Variants in PCDHA9 observed in about 807,000 individuals in gnomAD.
PCDHA9 encodes the protein protocadherin alpha 9, also known as protocadherin alpha-9.
A neutral mutation model predicts 62.0 loss-of-function variants in PCDHA9; 62 were observed. That is an observed-to-expected ratio of 1.00 (90% CI 0.81 to 1.23). The LOEUF is 1.23. Among genes scored for constraint, PCDHA9 ranks in the 50% most tolerant of loss-of-function variants. PCDHA9 has a pLI of 0.00. For missense variants in PCDHA9, 1,205 were observed against 1,249.8 expected (o/e 0.96, Z 0.54); for synonymous variants, 557 against 567.6 (o/e 0.98, Z 0.27).
intron 2 of PCDHA9, 157 bp from the exon 3 acceptor site, chr5:140,982,318 G>C (rs2096977750): frequency 6.6e-6 from 9 of 1,356,910 alleles, no homozygotes; most frequent in Non-Finnish European, 8.8e-6. Flanking sequence ...AGTTTATGCA[G>C]GGTGACTGCT....
intron 1 of PCDHA9, chr5:140,870,788 C>A (rs782319322): frequency 3.7e-6 from 6 of 1,613,636 alleles, no homozygotes; most frequent in Non-Finnish European, 5.1e-6. Context: ...GACAACGCGC[C>A]GGCACTGCTG....
intron 1 of PCDHA9, chr5:140,875,832 C>A: frequency 1.2e-6 from 2 of 1,614,086 alleles, no homozygotes; most frequent in South Asian, 1.1e-5. Flanking sequence ...TCCATGTGGA[C>A]GTGGAGGTGA....
chr5:140,855,926 G>A lies in PCDHA9; in HGVS notation c.2394+5037G>A, dbSNP rs1420815177. On this transcript the variant is annotated intron_variant, in intron 1 of 3. Transcript: ENST00000532602. ...AGTTTCTCAAGGACTAGGAAGTAGC[G>A]TCATTCTGAGATCTCAGCCATTTCG... is the stretch of plus-strand genomic sequence containing the variant. 2.4e-6 allele frequency: 3 copies of A among 1,256,218 alleles called. 1 individual carries two copies. The highest frequency in any genetic ancestry group is 3.3e-6 in the Non-Finnish European group (3 of 905,286). 77.8% of individuals were successfully genotyped at this position (1,256,218 alleles called of 1,614,324 possible). A position where few individuals can be genotyped will look rare whatever the true frequency, so the allele number is the denominator to read the frequency against.
intron 1 of PCDHA9, among the ~76,000 whole-genome samples, chr5:140,945,113 T>C (rs1359604882): frequency 2.6e-5 from 4 of 152,084 alleles, no homozygotes; most frequent in African/African-American, 4.8e-5. Flanking sequence ...AGTTGAAAGA[T>C]AAAAAATCAA....
chr5:140,877,224 G>T, intron 1 of PCDHA9: 1 of 1,613,712 alleles, frequency 6.2e-7, no homozygotes, highest in Non-Finnish European at 8.5e-7. Flanking sequence ...TACCGCGGTC[G>T]GTGGGTGCGG....
rs1581152641 is a variant in PCDHA9, at chr5:140,848,515, G to A, written c.20G>A (p.Gly7Glu). ...TTTGAAATGTTATACTCAAGTCGAG[G>A]AGATCCAGAGGGTCAGCCTCTACTG... MLYSSR[G>E]DPEGQPLLLS... Residue 7 changes from glycine to glutamate, a missense_variant, in exon 1 of 4, where the codon GGA becomes GAA. Coordinates refer to ENST00000532602, the MANE Select transcript of PCDHA9 (RefSeq NM_031857.2). The A allele has an allele frequency of 1.9e-6, 3 of 1,590,864 alleles. No individual in the cohort carries two copies. In the African/African-American group the frequency reaches 4.0e-5, roughly 21 times the overall value.
chr5:140,961,037 A>C (rs1222978592), intron 1 of PCDHA9, among the ~76,000 whole-genome samples: 2 of 152,188 alleles, frequency 1.3e-5, no homozygotes, highest in African/African-American at 4.8e-5. Flanking sequence ...CCTTGTTTTG[A>C]GTCATTAACA....
In PCDHA9 at chr5:141,009,718, A is replaced by G. The variant is rs2098413942; in HGVS notation, c.2634A>G (p.Gln878=). Residue 878 remains glutamine, a synonymous_variant, in exon 4 of 4, where the codon CAA becomes CAG. Transcript: ENST00000532602. ...TFKYGPGNPK[Q]SGPGELPDKF... ...AATACGGACCAGGCAACCCCAAACA[A>G]TCCGGTCCCGGTGAGTTGCCCGACA... The G allele has an allele frequency of 1.2e-6, 2 of 1,614,044 alleles. No homozygotes were observed. The highest frequency in any genetic ancestry group is 1.1e-5 in the South Asian group (1 of 91,052).
intron 1 of PCDHA9, chr5:140,926,693 C>G (rs576013331): frequency 3.9e-4 from 291 of 742,942 alleles, no homozygotes; most frequent in Non-Finnish European, 5.0e-4. Flanking sequence ...CTAGCAAGCC[C>G]GGCTCCCAGC....
intron 1 of PCDHA9, among the ~76,000 whole-genome samples, chr5:140,960,579 C>G (rs2095556928): frequency 6.6e-6 from 1 of 152,052 alleles, no homozygotes; most frequent in South Asian, 2.1e-4. Context: ...AGTTGGAAAA[C>G]AGTTCAAATT....
At position 140,850,038 on chromosome 5, in the gene PCDHA9, G is replaced by C. The variant is rs2150464728; in HGVS notation, c.1543G>C (p.Gly515Arg). ...SSYVSVHAES[G>R]KVYALQPLDH... The stretch of plus-strand genomic sequence containing the variant: ...CTACGTGTCAGTGCACGCGGAGAGC[G>C]GCAAGGTGTACGCGCTGCAGCCGTT... Residue 515 changes from glycine (G) to arginine (R), a missense_variant, in exon 1 of 4, where the codon GGC (glycine) becomes CGC (arginine). Transcript: ENST00000532602. 6.3e-7 allele frequency: 1 copy of C among 1,596,736 alleles called. No individual in the cohort carries two copies. The highest frequency in any genetic ancestry group is 2.2e-5 in the East Asian group (1 of 44,838).
intron 3 of PCDHA9, among the ~76,000 whole-genome samples, chr5:141,005,884 T>G (rs1554260408): frequency 6.6e-6 from 1 of 151,862 alleles, no homozygotes; most frequent in Non-Finnish European, 1.5e-5. Flanking sequence ...GAGTTTGAGG[T>G]TACATCAAGC....
Position 140,856,227 on chromosome 5 carries a change from A to C in PCDHA9, c.2394+5338A>C, listed in dbSNP as rs149352769. 4,605 of 1,597,986 alleles carry C rather than the reference A, an allele frequency of 2.9e-3. 355 individuals carry two copies. The highest frequency in any genetic ancestry group is 0.01 in the Middle Eastern group (60 of 5,808). ...GGGCTGGAGCTGGCGGAGCTGGTGC[A>C]GCGCCTGTTCCGGGTGGCGTCCAAA... On this transcript the variant is annotated intron_variant, in intron 1 of 3. Transcript: ENST00000532602.
At chr5:140,856,784 T>A in intron 1 of PCDHA9, 1 of 1,596,522 alleles carries the variant, frequency 6.3e-7, no homozygotes. Flanking sequence ...CAGACCGGTT[T>A]ATGAAGTTAA....
At chr5:140,861,466 TG>T in intron 1 of PCDHA9, 1 of 493,934 alleles carries the variant, frequency 2.0e-6, no homozygotes, top group Admixed American at 2.1e-5. Flanking sequence ...GAGGTAAATC[TG>T]CAGAATGGCA....
At chr5:141,005,371 T>G (rs35698397) in intron 3 of PCDHA9, among the ~76,000 whole-genome samples, 7,868 of 152,226 alleles carry the variant, frequency 0.052, 247 homozygotes, top group South Asian at 0.11. Flanking sequence ...TAGAATGCCT[T>G]TCCAAGGAGG....
chr5:140,876,165 C>T (rs782073467), intron 1 of PCDHA9: 4 of 1,613,944 alleles, frequency 2.5e-6, no homozygotes, highest in Admixed American at 1.7e-5. Flanking sequence ...TTCAAATAAC[C>T]GTCCTGGATG....
intron 1 of PCDHA9, among the ~76,000 whole-genome samples, chr5:140,915,296 A>G (rs556254508): frequency 6.6e-6 from 1 of 152,086 alleles, no homozygotes; most frequent in East Asian, 1.9e-4. Flanking sequence ...TCTACTTAAG[A>G]TAAGTTTACA....
At chr5:140,962,840 T>C (rs1554226297) in intron 1 of PCDHA9, among the ~76,000 whole-genome samples, 6 of 152,348 alleles carry the variant, frequency 3.9e-5, no homozygotes, top group African/African-American at 2.4e-5. Context: ...TTTTTTATTA[T>C]ATAACTTGTG....
Sources: gnomAD v4.1 joint callset for allele counts (sites outside exome capture counted in the v4.1 genomes callset) on GRCh38, gnomAD v4.1.1 for gene constraint, MANE v1.5 for transcripts, NCBI Gene and HGNC (gene_info 2026-07-23, HGNC 2026-07-21) for gene names.